The following ZNF619 variants were observed in gnomAD, a reference collection of about 807,000 sequenced individuals.
ZNF619 encodes the protein zinc finger protein 619.
A neutral mutation model predicts 14.2 loss-of-function variants in ZNF619; 9 were observed. The observed-to-expected ratio is 0.64, with a 90% CI of 0.38 to 1.11. ZNF619 has a LOEUF of 1.11. ZNF619 is among the 50% of genes least tolerant of loss of function. The probability of loss-of-function intolerance (pLI) is 0.01; values close to 1 mark genes in which losing one functional copy is unlikely to be tolerated. For synonymous variants in ZNF619, 246 were observed against 252.8 expected, an observed-to-expected ratio of 0.97 and a Z score of 0.26; for missense variants, 659 against 680.1, an observed-to-expected ratio of 0.97 and a Z score of 0.34.
In ZNF619 at chr3:40,489,236, G is replaced by A. The variant is rs1697736451; in HGVS notation, c.*995G>A. On this transcript the variant is annotated 3_prime_UTR_variant, in exon 5 of 5. Coordinates refer to ENST00000432264, the MANE Select transcript of ZNF619 (RefSeq NM_001145093.4). ...GACAGGTTCTTGTTCTGTCATCCAG[G>A]CTGGATTGCAGTAGTGCGATCATGG... 1 of 149,376 alleles carries A rather than the reference G, an allele frequency of 6.7e-6. No homozygotes were observed. The highest frequency in any genetic ancestry group is 2.5e-5 in the African/African-American group (1 of 40,624). The allele number at this position is 149,376 out of a possible 1,614,324, so 9.3% of individuals were successfully genotyped here.
At chr3:40,483,650 CAG>C (rs929639261) in intron 4 of ZNF619, 5 of 449,002 alleles carry the variant, frequency 1.1e-5, no homozygotes, top group Non-Finnish European at 2.2e-5. Context: ...TTTTTTGAGA[CAG>C]AGTTTCACTT....
chr3:40,486,762 T>A (rs763319726), intron 4 of ZNF619, 44 bp from the exon 5 acceptor site: 6 of 1,479,296 alleles, frequency 4.1e-6, no homozygotes, highest in Non-Finnish European at 5.5e-6. Context: ...TTTTCCCTTC[T>A]GGAATAAATA....
At position 40,488,445 on chromosome 3, in the gene ZNF619, T is replaced by A. The variant is rs1559542295; in HGVS notation, c.*204T>A. 6 of 552,390 alleles carry A rather than the reference T, an allele frequency of 1.1e-5. No homozygotes were observed. Among genetic ancestry groups the A allele is most frequent in the Non-Finnish European group, 1.9e-5 (6 of 315,514 alleles). The allele number at this position is 552,390 out of a possible 1,614,324, so 34.2% of individuals were successfully genotyped here. On this transcript the variant is annotated 3_prime_UTR_variant, in exon 5 of 5. Transcript: ENST00000432264. ...AGGAAATGGCAGTACTTATTCTTTA[T>A]CGTGTCCACATTTGGGCTGTATTAT...
In ZNF619 at chr3:40,477,954, G is replaced by A. The variant is rs186624465; in HGVS notation, c.-26G>A. 6,159 of 1,550,418 alleles carry A rather than the reference G, an allele frequency of 4.0e-3. 16 individuals carry two copies. Among genetic ancestry groups the A allele is most frequent in the Non-Finnish European group, 5.0e-3 (5,757 of 1,147,730 alleles). ...CTTACTTTTTCAAACCTAGAGGGCA[G>A]TGCATGAAGCCAGGGGTCATCAGCC... On this transcript the variant is annotated 5_prime_UTR_variant, in exon 2 of 5. In the 5' UTR this introduces an upstream ATG that the reference lacks. Transcript: ENST00000432264.
chr3:40,482,232 C>T, intron 3 of ZNF619: 1 of 1,551,476 alleles, frequency 6.4e-7, no homozygotes, highest in Non-Finnish European at 8.7e-7. Flanking sequence ...TAATGGAGAC[C>T]CAACTGCAGG....
At chr3:40,481,458 T>C (rs924501742) in intron 2 of ZNF619, among the ~76,000 whole-genome samples, 1 of 152,180 alleles carries the variant, frequency 6.6e-6, no homozygotes, top group Non-Finnish European at 1.5e-5. Flanking sequence ...AAATCACTCC[T>C]CTGTCTGTAG....
Position 40,477,122 on chromosome 3 carries a change from G to A in ZNF619, c.-298G>A, listed in dbSNP as rs1329160482. On this transcript the variant is annotated 5_prime_UTR_variant, in exon 1 of 5. Coordinates refer to ENST00000432264, the MANE Select transcript of ZNF619 (RefSeq NM_001145093.4). ...AGCCTCCCGGCTTCCTAGAGAGGCT[G>A]TAGGGACCGACGGCCGGCCAGCTAA... is the stretch of plus-strand genomic sequence containing the variant. The A allele has an allele frequency of 6.6e-6, 1 of 152,310 alleles. No individual in the cohort carries two copies. Among genetic ancestry groups the A allele is most frequent in the Non-Finnish European group, 1.5e-5 (1 of 68,074 alleles). 9.4% of individuals were successfully genotyped at this position (152,310 alleles called of 1,614,324 possible). A position where few individuals can be genotyped will look rare whatever the true frequency, so the allele number is the denominator to read the frequency against.
In ZNF619 at chr3:40,490,002, G is replaced by T. The variant is rs796773886; in HGVS notation, c.*1761G>T. ...GTACTGGGTGGGGGGTCTTTAAGAG[G>T]TGATCAGGATTAGCCAAGTTCATCA... On this transcript the variant is annotated 3_prime_UTR_variant, in exon 5 of 5. Coordinates refer to ENST00000432264, the MANE Select transcript of ZNF619 (RefSeq NM_001145093.4). The T allele has an allele frequency of 1.1e-4, 17 of 152,306 alleles. No homozygotes were observed. Among genetic ancestry groups the T allele is most frequent in the African/African-American group, 4.1e-4 (17 of 41,558 alleles). The allele number at this position is 152,306 out of a possible 1,614,324, so 9.4% of individuals were successfully genotyped here.
In ZNF619 at chr3:40,486,868, G is replaced by C. The variant is rs28448862; in HGVS notation, c.358G>C (p.Glu120Gln). The C allele has an allele frequency of 1.2e-3, 1,891 of 1,613,722 alleles. 17 individuals are homozygous for C. The African/African-American group carries it at 0.022, about 19-fold the overall frequency. ...TAQLNISKES[E>Q]SHRLIVEGLL... ...ACAGCTAAACATTTCTAAAGAATCA[G>C]AGTCCCACAGACTGATAGTGGAGGG... The change falls in exon 5 of 5, where the codon GAG (glutamate) becomes CAG (glutamine). Residue 120 changes from glutamate to glutamine, a missense_variant. Transcript: ENST00000432264.
chr3:40,480,484 G>C (rs1256939347), intron 2 of ZNF619, among the ~76,000 whole-genome samples: 1 of 149,186 alleles, frequency 6.7e-6, no homozygotes, highest in Non-Finnish European at 1.5e-5. Flanking sequence ...TCTTTACAAT[G>C]ATGACTGCAT....
rs1697593674 is a variant in ZNF619, at chr3:40,486,800, T to C, written c.296-6T>C. 6.3e-7 allele frequency: 1 copy of C among 1,579,260 alleles called. No individual in the cohort carries two copies. ...GGACTTTTATGTTTTCTTTTTATCA[T>C]GCTAGGTGGTAAAACCAAGACTGAG... On this transcript the variant is annotated splice_region_variant and splice_polypyrimidine_tract_variant and intron_variant, in intron 4 of 4. Coordinates refer to ENST00000432264, the MANE Select transcript of ZNF619 (RefSeq NM_001145093.4).
At chr3:40,482,091 A>T in intron 3 of ZNF619, 75 bp downstream of exon 3, 1 of 1,552,674 alleles carries the variant, frequency 6.4e-7, no homozygotes, top group Non-Finnish European at 8.7e-7. Context: ...CAGAACTAGG[A>T]TCTCTTTAAT....
Position 40,487,832 on chromosome 3 carries a change from T to G in ZNF619, c.1322T>G (p.Ile441Ser). The change falls in exon 5 of 5, where the codon ATC (isoleucine) becomes AGC (serine). Residue 441 changes from isoleucine to serine, a missense_variant. Transcript: ENST00000432264. Reference protein sequence around the residue: ...QECGKTFSQKITLVQHQRVHT... With the variant: ...QECGKTFSQKSTLVQHQRVHT... ...TGTGGGAAGACATTCAGTCAAAAGA[T>G]CACTCTGGTTCAGCATCAGCGAGTT... is the stretch of plus-strand genomic sequence containing the variant. The G allele has an allele frequency of 6.2e-7, 1 of 1,613,542 alleles. No homozygotes were observed. Among genetic ancestry groups the G allele is most frequent in the Non-Finnish European group, 8.5e-7 (1 of 1,179,896 alleles).
At chr3:40,482,286 G>A in intron 3 of ZNF619, 1 of 1,551,962 alleles carries the variant, frequency 6.4e-7, no homozygotes, top group Non-Finnish European at 8.7e-7. Flanking sequence ...GGTTCCTGGT[G>A]CACTGTCTTC....
chr3:40,489,709 G>A lies in ZNF619; in HGVS notation c.*1468G>A, dbSNP rs563809280. The A allele has an allele frequency of 1.3e-5, 2 of 152,276 alleles. No individual in the cohort carries two copies. The highest frequency in any genetic ancestry group is 4.8e-5 in the African/African-American group (2 of 41,550). 9.4% of individuals were successfully genotyped at this position (152,276 alleles called of 1,614,324 possible). A position where few individuals can be genotyped will look rare whatever the true frequency, so the allele number is the denominator to read the frequency against. On this transcript the variant is annotated 3_prime_UTR_variant, in exon 5 of 5. Transcript: ENST00000432264. Reference sequence around the variant, plus strand: ...TGGCATCACACTGGTGAGCACCAGAGGCAAAGAAGAGAAACCTGACCATGA... The same window carrying A: ...TGGCATCACACTGGTGAGCACCAGAAGCAAAGAAGAGAAACCTGACCATGA...
Position 40,487,685 on chromosome 3 carries a change from G to A in ZNF619, c.1175G>A (p.Arg392Lys). The change falls in exon 5 of 5, where the codon AGG (arginine) becomes AAG (lysine). Residue 392 changes from arginine to lysine, a missense_variant. By Grantham distance (26) the Arg-to-Lys change is conservative. Transcript: ENST00000432264. ...AGTTCGGTATTTCTTCAGCACCAGAGGTTCCACACTGGGGAACAACTCTAC... is the reference window on the plus strand; with the variant it reads ...AGTTCGGTATTTCTTCAGCACCAGAAGTTCCACACTGGGGAACAACTCTAC... The part of the protein sequence containing the change: ...HRSSVFLQHQ[R>K]FHTGEQLYKC... 1 of 1,614,008 alleles carries A rather than the reference G, an allele frequency of 6.2e-7. No homozygotes were observed. The highest frequency in any genetic ancestry group is 8.5e-7 in the Non-Finnish European group (1 of 1,180,002).
chr3:40,488,623 T>C lies in ZNF619; in HGVS notation c.*382T>C, dbSNP rs1228431341. The C allele has an allele frequency of 1.2e-5, 2 of 171,898 alleles. No individual in the cohort carries two copies. The highest frequency in any genetic ancestry group is 4.8e-5 in the African/African-American group (2 of 41,926). The allele number at this position is 171,898 out of a possible 1,614,324, so 10.6% of individuals were successfully genotyped here. A position where few individuals can be genotyped will look rare whatever the true frequency, so the allele number is the denominator to read the frequency against. ...AAGCCTATGGGAGAACATAATCAGA[T>C]AAAGTGTCCAATGATTGCTTTCAAG... On this transcript the variant is annotated 3_prime_UTR_variant, in exon 5 of 5. Coordinates refer to ENST00000432264, the MANE Select transcript of ZNF619 (RefSeq NM_001145093.4).
At position 40,487,313 on chromosome 3, in the gene ZNF619, C is replaced by G. The variant is rs764163695; in HGVS notation, c.803C>G (p.Ala268Gly). Residue 268 changes from alanine to glycine, a missense_variant, in exon 5 of 5, where the codon GCC (alanine) becomes GGC (glycine). Transcript: ENST00000432264. The stretch of plus-strand genomic sequence containing the variant: ...TACTCATGTGAGGAATGTGGACAAG[C>G]CTTCAGTCAAAATTCCCACCTTCTT... ...KPYSCEECGQAFSQNSHLLQH... is the reference protein window; with the variant it reads ...KPYSCEECGQGFSQNSHLLQH... The G allele has an allele frequency of 6.2e-7, 1 of 1,614,048 alleles. No individual in the cohort carries two copies. Among genetic ancestry groups the G allele is most frequent in the Non-Finnish European group, 8.5e-7 (1 of 1,180,000 alleles).
At position 40,477,921 on chromosome 3, in the gene ZNF619, C is replaced by T. The variant is rs1436621118; in HGVS notation, c.-59C>T. ...TCTCATTGTGGTTCTCTCTTAGCTC[C>T]GCAGGTTCTTACTTTTTCAAACCTA... is the stretch of plus-strand genomic sequence containing the variant. On this transcript the variant is annotated 5_prime_UTR_variant, in exon 2 of 5. Coordinates refer to ENST00000432264, the MANE Select transcript of ZNF619 (RefSeq NM_001145093.4). 1 of 1,532,532 alleles carries T rather than the reference C, an allele frequency of 6.5e-7. No individual in the cohort carries two copies. The highest frequency in any genetic ancestry group is 8.9e-7 in the Non-Finnish European group (1 of 1,129,720). 94.9% of individuals were successfully genotyped at this position (1,532,532 alleles called of 1,614,324 possible). A position where few individuals can be genotyped will look rare whatever the true frequency, so the allele number is the denominator to read the frequency against.
Sources: gnomAD v4.1 joint callset for allele counts (sites outside exome capture counted in the v4.1 genomes callset) on GRCh38, gnomAD v4.1.1 for gene constraint, MANE v1.5 for transcripts, NCBI Gene and HGNC (gene_info 2026-07-23, HGNC 2026-07-21) for gene names.